The following WNT2 variants were observed in gnomAD, a reference collection of about 807,000 sequenced individuals.
WNT2 encodes the protein Wnt family member 2, also known as protein Wnt-2.
Under a neutral mutation model 36.9 loss-of-function variants are expected in WNT2, and 12 were observed. The observed-to-expected ratio is 0.33, with a 90% CI of 0.21 to 0.53. WNT2 has a LOEUF of 0.53. Among genes scored for constraint, WNT2 ranks in the 20% least tolerant of loss-of-function variants. The pLI, the probability that WNT2 is intolerant of heterozygous loss-of-function variation, is 0.95. For synonymous variants in WNT2, 163 were observed against 174.6 expected (o/e 0.93, Z 0.52); for missense variants, 379 against 473.1 (o/e 0.80, Z 1.84).
chr7:117,316,578 G>A (rs146042482), intron 2 of WNT2, among the ~76,000 whole-genome samples: 31 of 152,238 alleles, frequency 2.0e-4, no homozygotes, highest in East Asian at 1.7e-3. Flanking sequence ...GCTTGTTTCC[G>A]TTTGTCATTC....
At chr7:117,308,493 G>A (rs1795058359) in intron 3 of WNT2, among the ~76,000 whole-genome samples, 1 of 152,180 alleles carries the variant, frequency 6.6e-6, no homozygotes, top group Non-Finnish European at 1.5e-5. Flanking sequence ...TTGACTTCTG[G>A]TTAGTTTTTG....
intron 3 of WNT2, among the ~76,000 whole-genome samples, chr7:117,308,037 T>C (rs1795045437): frequency 6.6e-6 from 1 of 152,200 alleles, no homozygotes; most frequent in South Asian, 2.1e-4. Flanking sequence ...ATTAAAAACA[T>C]ATTATTTAAT....
chr7:117,291,588 C>T (rs1294712435), intron 4 of WNT2, among the ~76,000 whole-genome samples: 4 of 152,184 alleles, frequency 2.6e-5, no homozygotes, highest in African/African-American at 9.7e-5. Context: ...CCAATTTGGC[C>T]TGCAAAATGT....
At position 117,276,086 on chromosome 7, in the gene WNT2, G is replaced by A. The variant is rs56096259; in HGVS notation, c.*2069C>T. ...CCTACACTATCTCAAACACTCAAGA[G>A]TGTGGTCCTATTTGTGATGGAGCAT... On this transcript the variant is annotated 3_prime_UTR_variant, in exon 5 of 5. Coordinates refer to ENST00000265441, the MANE Select transcript of WNT2 (RefSeq NM_003391.3). Among the ~76,000 whole-genome samples, 1,281 of 152,334 alleles carry A rather than the reference G, an allele frequency of 8.4e-3. 27 individuals carry two copies. The highest frequency in any genetic ancestry group is 0.027 in the African/African-American group (1,131 of 41,574).
chr7:117,290,146 A>G (rs955518783), intron 4 of WNT2, among the ~76,000 whole-genome samples: 10 of 152,314 alleles, frequency 6.6e-5, no homozygotes, highest in African/African-American at 2.4e-4. Flanking sequence ...ATGGTACAGA[A>G]GGCAGACAAG....
chr7:117,309,325 C>T (rs1795078122), intron 3 of WNT2, among the ~76,000 whole-genome samples: 1 of 152,052 alleles, frequency 6.6e-6, no homozygotes, highest in South Asian at 2.1e-4. Context: ...CTTGTCTGTC[C>T]CAGCGCCCAG....
chr7:117,275,640 G>T lies in WNT2; in HGVS notation c.*2515C>A, dbSNP rs1269774452. On this transcript the variant is annotated 3_prime_UTR_variant, in exon 5 of 5. Transcript: ENST00000265441. ...AAGCCTCAGATAATTGAGAGTTTCA[G>T]TGTATTTCAGGTTCCTGGAATACTG... Among the ~76,000 whole-genome samples, 2 of 152,120 alleles carry T rather than the reference G, an allele frequency of 1.3e-5. No individual in the cohort carries two copies. Among genetic ancestry groups the T allele is most frequent in the Non-Finnish European group, 2.9e-5 (2 of 68,016 alleles).
rs934615229 is a variant in WNT2, at chr7:117,284,022, AAGGG to A, written c.854-5642_854-5639del. Among the ~76,000 whole-genome samples the A allele has an allele frequency of 6.6e-6, 1 of 151,918 alleles. No homozygotes were observed. The highest frequency in any genetic ancestry group is 2.4e-5 in the African/African-American group (1 of 41,208). On this transcript the variant is annotated intron_variant, in intron 4 of 4. Coordinates refer to ENST00000265441, the MANE Select transcript of WNT2 (RefSeq NM_003391.3). This position sits in a 1 kb window ranked among gnomAD's most constrained non-coding sequence, Gnocchi z 5.2. ...GGGAAAGGGCAGTCCCTGCAGCTGG[AAGGG>A]AGGATGAGGCTGCCTAGTGATGGAT...
chr7:117,283,933 G>A (rs142775469), intron 4 of WNT2, among the ~76,000 whole-genome samples: 429 of 152,306 alleles, frequency 2.8e-3, no homozygotes, highest in Non-Finnish European at 5.1e-3. Context: ...CAGTGAGGTC[G>A]CAGCCTGGAG....
Position 117,323,037 on chromosome 7 carries a change from C to CA in WNT2, c.-49dup. 6.5e-7 allele frequency: 1 copy of CA among 1,535,282 alleles called. No individual in the cohort carries two copies. The highest frequency in any genetic ancestry group is 8.8e-7 in the Non-Finnish European group (1 of 1,134,254). On this transcript the variant is annotated 5_prime_UTR_variant, in exon 1 of 5. An upstream start codon of the reference 5' UTR is lost. Transcript: ENST00000265441. ...CAGGTCAGACTCCGTGTGCGGGCGC[C>CA]ATGCGTGCCCAGAGCAGAAGCGCTC...
At chr7:117,285,694 A>C (rs1233488229) in intron 4 of WNT2, among the ~76,000 whole-genome samples, 1 of 152,232 alleles carries the variant, frequency 6.6e-6, no homozygotes, top group African/African-American at 2.4e-5. Context: ...AAGGATAAAC[A>C]TATATTTGGA....
At chr7:117,285,277 C>A (rs1794559442) in intron 4 of WNT2, among the ~76,000 whole-genome samples, 1 of 152,166 alleles carries the variant, frequency 6.6e-6, no homozygotes, top group African/African-American at 2.4e-5. Context: ...ATGCCTGTAA[C>A]CTTTAAGAGA....
rs533034895 is a variant in WNT2, at chr7:117,295,460, A to G, written c.853+2152T>C. On this transcript the variant is annotated intron_variant, in intron 4 of 4. Coordinates refer to ENST00000265441, the MANE Select transcript of WNT2 (RefSeq NM_003391.3). Reference sequence around the variant, plus strand: ...TAACTTAGTAACTTGAAGAGGCAGCAGGGATTAGATTCAGAATCACCTCTG... The same window carrying G: ...TAACTTAGTAACTTGAAGAGGCAGCGGGGATTAGATTCAGAATCACCTCTG... 4.3e-4 allele frequency among the ~76,000 whole-genome samples: 66 copies of G among 152,138 alleles called. 2 individuals carry two copies. The South Asian group carries it at 0.012, about 28-fold the overall frequency.
intron 4 of WNT2, among the ~76,000 whole-genome samples, chr7:117,294,436 A>G (rs1794748716): frequency 6.6e-6 from 1 of 152,232 alleles, no homozygotes; most frequent in Non-Finnish European, 1.5e-5. Flanking sequence ...CTGATGGTCA[A>G]CAGAATTAAA....
chr7:117,316,505 A>AGGAGTGTGACTT (rs1366003911), intron 2 of WNT2, among the ~76,000 whole-genome samples: 3 of 152,240 alleles, frequency 2.0e-5, no homozygotes, highest in Admixed American at 2.0e-4. Flanking sequence ...ATATGTCAAG[A>AGGAGTGTGACTT]GGAGTGTGAC....
At chr7:117,318,245 C>A (rs1273003078) in intron 2 of WNT2, among the ~76,000 whole-genome samples, 1 of 152,160 alleles carries the variant, frequency 6.6e-6, no homozygotes, top group Non-Finnish European at 1.5e-5. Context: ...ACTTTTTCTC[C>A]AAGCAACTAA....
intron 4 of WNT2, among the ~76,000 whole-genome samples, chr7:117,294,435 A>G (rs1794748670): frequency 6.6e-6 from 1 of 152,208 alleles, no homozygotes; most frequent in Non-Finnish European, 1.5e-5. Context: ...TCTGATGGTC[A>G]ACAGAATTAA....
chr7:117,320,320 G>C (rs1307797402), intron 2 of WNT2: 3 of 514,842 alleles, frequency 5.8e-6, no homozygotes, highest in Non-Finnish European at 1.1e-5. Flanking sequence ...GTGATGGACA[G>C]AGCAAAGAGT....
chr7:117,315,739 C>T (rs76280797), intron 2 of WNT2, among the ~76,000 whole-genome samples: 3,220 of 152,330 alleles, frequency 0.021, 115 homozygotes, highest in African/African-American at 0.073. Context: ...CTGAATGCTA[C>T]AATTCTATCA....
Sources: allele counts gnomAD v4.1 joint callset (sites outside exome capture counted in the v4.1 genomes callset), GRCh38; gene constraint gnomAD v4.1.1; non-coding constraint Gnocchi (gnomAD v3.1); transcripts MANE v1.5; gene names NCBI Gene and HGNC (gene_info 2026-07-23, HGNC 2026-07-21).